The following DCBLD1 variants were observed in gnomAD, a reference collection of about 807,000 sequenced individuals.
DCBLD1 encodes discoidin, CUB and LCCL domain containing 1, also known as discoidin, CUB and LCCL domain-containing protein 1.
A neutral mutation model predicts 71.5 loss-of-function variants in DCBLD1; 57 were observed. The observed-to-expected ratio is 0.80, with a 90% CI of 0.64 to 0.99. DCBLD1 has a LOEUF of 0.99. Ranked by LOEUF, DCBLD1 falls within the 50% of genes least tolerant of loss-of-function variation. The probability of loss-of-function intolerance (pLI) is 0.00; values close to 1 mark genes in which losing one functional copy is unlikely to be tolerated. For missense variants in DCBLD1, 891 were observed against 923.5 expected, an observed-to-expected ratio of 0.96 and a Z score of 0.46; for synonymous variants, 380 against 363.8, an observed-to-expected ratio of 1.04 and a Z score of -0.51.
intron 1 of DCBLD1, among the ~76,000 whole-genome samples, chr6:117,495,182 A>G (rs1777428726): frequency 1.4e-5 from 2 of 141,554 alleles, no homozygotes; most frequent in African/African-American, 2.6e-5. Flanking sequence ...TTCTCAGCCG[A>G]TTAAAGCACA....
rs1777748871 is a variant in DCBLD1, at chr6:117,503,919, A to G, written c.265A>G (p.Ile89Val). 2 of 1,614,070 alleles carry G rather than the reference A, an allele frequency of 1.2e-6. No homozygotes were observed. Among genetic ancestry groups the G allele is most frequent in the African/African-American group, 2.7e-5 (2 of 74,934 alleles). ...RLILRLGDLD[I>V]ESQTCASDYL... Reference sequence around the variant, plus strand: ...GATTCTGAGGTTGGGAGATTTGGATATCGAATCCCAGACCTGTGCTTCTGA... The same window carrying G: ...GATTCTGAGGTTGGGAGATTTGGATGTCGAATCCCAGACCTGTGCTTCTGA... The change falls in exon 2 of 15, where the codon ATC (isoleucine) becomes GTC (valine). Residue 89 changes from isoleucine to valine, a missense_variant. Transcript: ENST00000338728.
At chr6:117,506,321 C>T (rs762413750) in intron 2 of DCBLD1, among the ~76,000 whole-genome samples, 4 of 152,160 alleles carry the variant, frequency 2.6e-5, no homozygotes, top group Non-Finnish European at 4.4e-5. Context: ...AAGACACCTA[C>T]TCCCACTGCT....
chr6:117,490,420 T>A (rs1233615882), intron 1 of DCBLD1, among the ~76,000 whole-genome samples: 1 of 152,206 alleles, frequency 6.6e-6, no homozygotes, highest in Non-Finnish European at 1.5e-5. Flanking sequence ...TACTGAGAAA[T>A]ATCTAATAGG....
At chr6:117,566,939 G>A (rs528426615) in intron 14 of DCBLD1, 2 of 1,611,908 alleles carry the variant, frequency 1.2e-6, no homozygotes, top group South Asian at 1.1e-5. Context: ...GGTACAAACG[G>A]TAACGATGTC....
At chr6:117,518,114 A>G (rs1413742542) in intron 2 of DCBLD1, among the ~76,000 whole-genome samples, 1 of 152,162 alleles carries the variant, frequency 6.6e-6, no homozygotes, top group Non-Finnish European at 1.5e-5. Context: ...ACAGTACCCA[A>G]GTTACCTCGT....
At chr6:117,542,201 G>T (rs753541317) in intron 11 of DCBLD1, among the ~76,000 whole-genome samples, 2 of 151,678 alleles carry the variant, frequency 1.3e-5, no homozygotes, top group Non-Finnish European at 2.9e-5. Context: ...GCTGAGGCAG[G>T]AGAATTGCTT....
intron 1 of DCBLD1, among the ~76,000 whole-genome samples, chr6:117,491,169 A>AT (rs1777280146): frequency 6.6e-6 from 1 of 152,168 alleles, no homozygotes; most frequent in Admixed American, 6.5e-5. Context: ...TCATATTAAA[A>AT]TGTGGTTGAT....
intron 14 of DCBLD1, chr6:117,563,130 G>T: frequency 1.2e-6 from 1 of 813,844 alleles, no homozygotes; most frequent in Non-Finnish European, 2.0e-6. Context: ...AAGCCCTGAG[G>T]TACCCGCCTT....
rs1778342962 is a variant in DCBLD1 at position 117,520,250 on chromosome 6, A to C, written c.460+300A>C. On this transcript the variant is annotated intron_variant, in intron 3 of 14. Coordinates refer to ENST00000338728, the MANE Select transcript of DCBLD1 (RefSeq NM_001366458.2). ...AAAAAATTTGCAAAAAATTTTTATA[A>C]TTATGTTTTACGAAACTTTAGGAAT... 9.2e-5 allele frequency among the ~76,000 whole-genome samples: 14 copies of C among 152,340 alleles called. No homozygotes were observed. The South Asian group carries it at 2.9e-3, about 32-fold the overall frequency.
intron 1 of DCBLD1, among the ~76,000 whole-genome samples, chr6:117,484,471 C>T (rs939764106): frequency 6.6e-6 from 1 of 152,290 alleles, no homozygotes; most frequent in East Asian, 1.9e-4. Context: ...ACCTCAGCCT[C>T]CTGAGTAGCT....
At chr6:117,517,171 G>C (rs1247990736) in intron 2 of DCBLD1, among the ~76,000 whole-genome samples, 2 of 152,218 alleles carry the variant, frequency 1.3e-5, no homozygotes, top group East Asian at 3.9e-4. Flanking sequence ...TACAATGTGG[G>C]TACTGGCATT....
chr6:117,564,596 G>A (rs1409468940), intron 14 of DCBLD1, among the ~76,000 whole-genome samples: 1 of 152,010 alleles, frequency 6.6e-6, no homozygotes, highest in African/African-American at 2.4e-5. Context: ...ATAACCAATA[G>A]ATACATTTTT....
intron 6 of DCBLD1, among the ~76,000 whole-genome samples, chr6:117,533,169 C>T (rs1167208695): frequency 6.6e-6 from 1 of 152,206 alleles, no homozygotes; most frequent in African/African-American, 2.4e-5. Flanking sequence ...TCATTCTCTC[C>T]TTCTGCCTTC....
chr6:117,506,837 G>A (rs1379643086), intron 2 of DCBLD1, among the ~76,000 whole-genome samples: 1 of 152,214 alleles, frequency 6.6e-6, no homozygotes, highest in Non-Finnish European at 1.5e-5. Flanking sequence ...GTAAAAGAAG[G>A]GAATGTCTGC....
At chr6:117,564,513 T>TA (rs1166256874) in intron 14 of DCBLD1, among the ~76,000 whole-genome samples, 7 of 152,142 alleles carry the variant, frequency 4.6e-5, no homozygotes, top group Non-Finnish European at 8.8e-5. Flanking sequence ...AATAGGCTTA[T>TA]AAATAAATAA....
chr6:117,564,702 A>G (rs1348387615), intron 14 of DCBLD1, among the ~76,000 whole-genome samples: 1 of 152,194 alleles, frequency 6.6e-6, no homozygotes, highest in African/African-American at 2.4e-5. Flanking sequence ...GAAGACTTCT[A>G]GCCTCAGTTA....
intron 1 of DCBLD1, among the ~76,000 whole-genome samples, chr6:117,483,870 A>G (rs1240880941): frequency 6.6e-6 from 1 of 152,114 alleles, no homozygotes; most frequent in Non-Finnish European, 1.5e-5. Flanking sequence ...AACAAGAATC[A>G]AAACTAAAAC....
At chr6:117,563,195 C>T in intron 14 of DCBLD1, 3 of 1,516,818 alleles carry the variant, frequency 2.0e-6, no homozygotes, top group Non-Finnish European at 2.7e-6. Flanking sequence ...CACCATCTTC[C>T]CCAGTGCCCC....
rs1403433818 is a variant in DCBLD1, at chr6:117,549,772, A to C, written c.*1333A>C. ...TTTACATGGTTTTATGCGCACACTA[A>C]TTGTAATAAACTATGCCAAACCAAA... On this transcript the variant is annotated 3_prime_UTR_variant, in exon 15 of 15. Coordinates refer to ENST00000338728, the MANE Select transcript of DCBLD1 (RefSeq NM_001366458.2). 1.0e-6 allele frequency: 1 copy of C among 985,274 alleles called. No individual in the cohort carries two copies. The highest frequency in any genetic ancestry group is 1.2e-6 in the Non-Finnish European group (1 of 829,944). The allele number at this position is 985,274 out of a possible 1,614,324, so 61.0% of individuals were successfully genotyped here.
Sources: gnomAD v4.1 joint callset for allele counts (sites outside exome capture counted in the v4.1 genomes callset) on GRCh38, gnomAD v4.1.1 for gene constraint, MANE v1.5 for transcripts, NCBI Gene and HGNC (gene_info 2026-07-23, HGNC 2026-07-21) for gene names.